Variants in MAU2 observed in about 807,000 individuals in gnomAD.
The protein encoded by MAU2 is MAU2 chromatid cohesion factor homolog.
A neutral mutation model predicts 89.1 loss-of-function variants in MAU2; 9 were observed. That is an observed-to-expected ratio of 0.10 (90% CI 0.06 to 0.18). The LOEUF (loss-of-function observed/expected upper bound fraction) is 0.18, where lower values mean the gene tolerates loss of function less well. MAU2 is among the 10% of genes least tolerant of loss of function. MAU2 has a pLI of 1.00. For missense variants in MAU2, 425 were observed against 803.5 expected (o/e 0.53, Z 5.69); for synonymous variants, 357 against 343.4 (o/e 1.04, Z -0.44).
Position 19,342,993 on chromosome 19 carries a change from G to T in MAU2, c.973+127G>T, listed in dbSNP as rs1247070124. The stretch of plus-strand genomic sequence containing the variant: ...AGCGCCCAGCCACCCTGCCTGGTGG[G>T]TCTCGTCACCCCTAGTTGATAAATG... On this transcript the variant is annotated intron_variant, in intron 9 of 18. Transcript: ENST00000262815. 11 of 930,826 alleles carry T rather than the reference G, an allele frequency of 1.2e-5. No individual in the cohort carries two copies. The East Asian group carries it at 2.8e-4, about 23-fold the overall frequency. The allele number at this position is 930,826 out of a possible 1,614,324, so 57.7% of individuals were successfully genotyped here. A position where few individuals can be genotyped will look rare whatever the true frequency, so the allele number is the denominator to read the frequency against.
intron 7 of MAU2, 90 bp from the exon 8 acceptor site, chr19:19,342,445 C>T (rs2061657953): frequency 4.1e-6 from 6 of 1,457,480 alleles, no homozygotes; most frequent in Non-Finnish European, 4.6e-6. Flanking sequence ...GGCAGATGCT[C>T]CCTAGAGGAA....
At chr19:19,323,251 G>T (rs1238373977) in intron 1 of MAU2, among the ~76,000 whole-genome samples, 1 of 150,164 alleles carries the variant, frequency 6.7e-6, no homozygotes, top group Non-Finnish European at 1.5e-5. Context: ...CTGGAGTGCA[G>T]TGGCGCGGTC....
Position 19,350,191 on chromosome 19 carries a change from G to T in MAU2, c.1548+755G>T, listed in dbSNP as rs145032525. Among the ~76,000 whole-genome samples the T allele has an allele frequency of 3.9e-3, 587 of 151,386 alleles. 2 individuals are homozygous for T. Among genetic ancestry groups the T allele is most frequent in the South Asian group, 0.01 (48 of 4,800 alleles). ...GACGCCTGTAATCCAAGCTACTCGG[G>T]AGGCTGAGGCATGAGAATCACTTGA... On this transcript the variant is annotated intron_variant, in intron 16 of 18. Transcript: ENST00000262815.
intron 1 of MAU2, chr19:19,329,136 G>A (rs2061534703): frequency 4.4e-6 from 2 of 455,830 alleles, no homozygotes; most frequent in African/African-American, 2.0e-5. Flanking sequence ...GCTAGGTTCT[G>A]AGCCTCTCCT....
At chr19:19,334,070 G>A (rs2061577427) in intron 1 of MAU2, 1 of 674,978 alleles carries the variant, frequency 1.5e-6, no homozygotes, top group African/African-American at 2.0e-5. Flanking sequence ...AGCTTCTTGT[G>A]TTAGACCCGG....
chr19:19,351,377 A>T (rs2061742573), intron 16 of MAU2, among the ~76,000 whole-genome samples: 1 of 151,960 alleles, frequency 6.6e-6, no homozygotes, highest in African/African-American at 2.4e-5. Context: ...AAAAAAAAAA[A>T]GATATTTTCC....
intron 9 of MAU2, 78 bp from the exon 10 acceptor site, chr19:19,343,759 G>C (rs1003573322): frequency 9.5e-7 from 1 of 1,048,364 alleles, no homozygotes. Flanking sequence ...AGACAGGAAC[G>C]AGGTGGGGGC....
At chr19:19,351,940 C>A (rs1000652092) in intron 16 of MAU2, among the ~76,000 whole-genome samples, 1 of 145,752 alleles carries the variant, frequency 6.9e-6, no homozygotes, top group African/African-American at 2.5e-5. Flanking sequence ...CCTCTACCTC[C>A]CAGGTTCCAC....
chr19:19,335,083 G>A (rs760378892), intron 1 of MAU2, among the ~76,000 whole-genome samples: 5 of 152,230 alleles, frequency 3.3e-5, no homozygotes, highest in Non-Finnish European at 5.9e-5. Context: ...TTAGGGCACA[G>A]TGGTCCCTGA....
rs183519636 is a variant in MAU2 at position 19,358,645 on chromosome 19, A to G, written c.*2863A>G. ...CTGGTGCTTTTACTTAGGGAAAAAA[A>G]CAATTTGTAAATACAGAACATTGTT... On this transcript the variant is annotated 3_prime_UTR_variant, in exon 19 of 19. Transcript: ENST00000262815. The G allele has an allele frequency of 2.6e-5, 4 of 152,268 alleles. No homozygotes were observed. The highest frequency in any genetic ancestry group is 1.9e-4 in the East Asian group (1 of 5,200). The allele number at this position is 152,268 out of a possible 1,614,324, so 9.4% of individuals were successfully genotyped here.
chr19:19,335,655 G>A (rs377760714), intron 1 of MAU2, 63 bp from the exon 2 acceptor site: 26 of 1,574,016 alleles, frequency 1.7e-5, no homozygotes, highest in African/African-American at 9.4e-5. Flanking sequence ...GCCCCAGAGC[G>A]AGCCAGTAAC....
In MAU2 at chr19:19,343,652, G is replaced by A. The variant is rs538999380; in HGVS notation, c.974-185G>A. 4.6e-5 allele frequency among the ~76,000 whole-genome samples: 7 copies of A among 152,296 alleles called. No homozygotes were observed. In the South Asian group the frequency reaches 1.0e-3, roughly 23 times the overall value. On this transcript the variant is annotated intron_variant, in intron 9 of 18. Transcript: ENST00000262815. ...GGAACCAACCTCTGGCTCCAGCTCC[G>A]TCTCCCCACCTGGACAGCAAGACAC...
intron 8 of MAU2, 37 bp downstream of exon 8, chr19:19,342,718 C>CCAAT (rs1242456560): frequency 7.4e-6 from 12 of 1,612,608 alleles, no homozygotes; most frequent in African/African-American, 1.3e-5. Flanking sequence ...GGGCTGGGGG[C>CCAAT]GGGGGCAGGG....
chr19:19,355,126 A>G (rs1772967415), intron 17 of MAU2, 138 bp from the exon 18 acceptor site: 5 of 1,100,562 alleles, frequency 4.5e-6, no homozygotes, highest in South Asian at 1.5e-5. Context: ...GACAGGGCTC[A>G]GGTCCAGTGA....
intron 2 of MAU2, 130 bp from the exon 3 acceptor site, chr19:19,335,992 A>G: frequency 1.3e-6 from 1 of 749,800 alleles, no homozygotes; most frequent in South Asian, 1.7e-5. Flanking sequence ...GAACAGGAAA[A>G]CTTGGAATTT....
chr19:19,355,883 G>T lies in MAU2; in HGVS notation c.*101G>T, dbSNP rs771472970. On this transcript the variant is annotated 3_prime_UTR_variant, in exon 19 of 19. Transcript: ENST00000262815. The stretch of plus-strand genomic sequence containing the variant: ...CCCGAGGCGTGCTTCCTTCCTGATT[G>T]TCTCTAGAGCTTCCAAGTCCTGGGA... The T allele has an allele frequency of 1.9e-5, 22 of 1,133,148 alleles. No individual in the cohort carries two copies. The highest frequency in any genetic ancestry group is 1.7e-4 in the Admixed American group (10 of 58,104). The allele number at this position is 1,133,148 out of a possible 1,614,324, so 70.2% of individuals were successfully genotyped here. A position where few individuals can be genotyped will look rare whatever the true frequency, so the allele number is the denominator to read the frequency against.
chr19:19,343,896 A>T lies in MAU2; in HGVS notation c.1033A>T (p.Met345Leu), dbSNP rs745310385. The T allele has an allele frequency of 6.2e-7, 1 of 1,613,502 alleles. No homozygotes were observed. Among genetic ancestry groups the T allele is most frequent in the South Asian group, 1.1e-5 (1 of 91,088 alleles). The change falls in exon 10 of 19, where the codon ATG (methionine) becomes TTG (leucine). Residue 345 changes from methionine to leucine, a missense_variant. Transcript: ENST00000262815. ...AGTGATCCTGCTGGAGCACATCATC[A>T]TGTGCCGCCTTGTCACGGGTCACAA... The part of the protein sequence containing the change: ...FQVILLEHII[M>L]CRLVTGHKAT...
chr19:19,339,103 A>G (rs1210853069), intron 5 of MAU2, among the ~76,000 whole-genome samples, 164 bp downstream of exon 5: 1 of 152,206 alleles, frequency 6.6e-6, no homozygotes, highest in Non-Finnish European at 1.5e-5. Context: ...ACTTGAGCCC[A>G]GGAGTTCAAG....
Position 19,347,258 on chromosome 19 carries a change from A to T in MAU2, c.1222-22A>T, listed in dbSNP as rs368714067. 8.8e-6 allele frequency: 14 copies of T among 1,584,836 alleles called. No homozygotes were observed. The African/African-American group carries it at 1.2e-4, about 14-fold the overall frequency. On this transcript the variant is annotated intron_variant, in intron 12 of 18. Transcript: ENST00000262815. Reference sequence around the variant, plus strand: ...TCACAGCACCCGACCCAGCCCCCTAATGTCCCCGCCTCCCATTCCAGCTCA... The same window carrying T: ...TCACAGCACCCGACCCAGCCCCCTATTGTCCCCGCCTCCCATTCCAGCTCA...
Sources: gnomAD v4.1 joint callset for allele counts (sites outside exome capture counted in the v4.1 genomes callset) on GRCh38, gnomAD v4.1.1 for gene constraint, MANE v1.5 for transcripts, NCBI Gene and HGNC (gene_info 2026-07-23, HGNC 2026-07-21) for gene names.